The following PDE1A variants were observed in gnomAD, a reference collection of about 807,000 sequenced individuals.
PDE1A encodes dual specificity calcium/calmodulin-dependent 3',5'-cyclic nucleotide phosphodiesterase 1A.
PDE1A carries 35 observed loss-of-function variants against 61.7 expected under a neutral mutation model. The observed-to-expected ratio is 0.57, with a 90% CI of 0.43 to 0.75. The LOEUF is 0.75. Among genes scored for constraint, PDE1A ranks in the 30% least tolerant of loss-of-function variants. The pLI, the probability that PDE1A is intolerant of heterozygous loss-of-function variation, is 0.00. For missense variants in PDE1A, 597 were observed against 630.6 expected, an observed-to-expected ratio of 0.95 and a Z score of 0.57; for synonymous variants, 232 against 213.2, an observed-to-expected ratio of 1.09 and a Z score of -0.77.
At chr2:182,516,797 G>A (rs879590183) in intron 2 of PDE1A, among the ~76,000 whole-genome samples, 2 of 117,826 alleles carry the variant, frequency 1.7e-5, no homozygotes, top group African/African-American at 3.1e-5. Context: ...GAAAGAAAGA[G>A]AGAAAGGAAG....
chr2:182,169,772 C>T (rs1156629850), intron 13 of PDE1A, among the ~76,000 whole-genome samples: 1 of 151,806 alleles, frequency 6.6e-6, no homozygotes, highest in Non-Finnish European at 1.5e-5. Flanking sequence ...CTAGTCCTGC[C>T]CCTCTTGGGA....
intron 2 of PDE1A, among the ~76,000 whole-genome samples, chr2:182,488,320 A>G (rs1688155496): frequency 1.3e-5 from 2 of 152,180 alleles, no homozygotes; most frequent in South Asian, 4.1e-4. Flanking sequence ...AATTTAATTT[A>G]CCAAGGGCTA....
intron 7 of PDE1A, among the ~76,000 whole-genome samples, chr2:182,214,800 CCACA>C (rs1446501426): frequency 2.6e-5 from 3 of 116,136 alleles, no homozygotes; most frequent in African/African-American, 1.0e-4. Flanking sequence ...ACTTAGACTC[CCACA>C]CATTAATAAT....
chr2:182,386,213 C>T (rs984661898), intron 1 of PDE1A, among the ~76,000 whole-genome samples: 3 of 152,096 alleles, frequency 2.0e-5, no homozygotes, highest in Non-Finnish European at 2.9e-5. Flanking sequence ...ACCTCCCAGC[C>T]GCCTGCCTTG....
chr2:182,595,581 AAGATTATTCTTATAGCTT>A, the PDE1A span, among the ~76,000 whole-genome samples: 1 of 152,258 alleles, frequency 6.6e-6, no homozygotes. Context: ...AACTTGGCCA[AAGATTATTCTTATAGCTT>A]AGAATGGGGA....
chr2:182,460,287 A>G (rs1686192999), intron 2 of PDE1A, among the ~76,000 whole-genome samples: 1 of 152,182 alleles, frequency 6.6e-6, no homozygotes, highest in Non-Finnish European at 1.5e-5. Context: ...TGACAGGTGC[A>G]CATTCAACCC....
intron 1 of PDE1A, among the ~76,000 whole-genome samples, chr2:182,265,547 T>C (rs1334818631): frequency 6.6e-6 from 1 of 152,084 alleles, no homozygotes; most frequent in Non-Finnish European, 1.5e-5. Context: ...AATTTTAAAG[T>C]ATAGGACTCA....
At chr2:182,147,609 G>C (rs1350482748) in intron 13 of PDE1A, among the ~76,000 whole-genome samples, 1 of 152,114 alleles carries the variant, frequency 6.6e-6, no homozygotes, top group African/African-American at 2.4e-5. Flanking sequence ...AGACAAACTA[G>C]TCTTGGAATC....
chr2:182,246,394 C>CTTTTTT (rs772600912), intron 2 of PDE1A, among the ~76,000 whole-genome samples: 1 of 105,366 alleles, frequency 9.5e-6, no homozygotes. Flanking sequence ...AGTCTTTTTT[C>CTTTTTT]TTTTTTCTTT....
the PDE1A span, among the ~76,000 whole-genome samples, chr2:182,589,120 TG>T: frequency 2.7e-5 from 4 of 149,314 alleles, no homozygotes; most frequent in African/African-American, 9.8e-5. Flanking sequence ...ACAATTATAT[TG>T]TTTTTTTTAA....
chr2:182,414,723 A>T (rs1223670998), intron 1 of PDE1A, among the ~76,000 whole-genome samples: 1 of 152,158 alleles, frequency 6.6e-6, no homozygotes, highest in Non-Finnish European at 1.5e-5. Context: ...CAGTGTTGAC[A>T]TTGCTTCCAT....
At chr2:182,391,473 G>A (rs1479226828) in intron 1 of PDE1A, among the ~76,000 whole-genome samples, 2 of 152,120 alleles carry the variant, frequency 1.3e-5, no homozygotes. Flanking sequence ...GGCTAGAGTG[G>A]ATTAGTCACT....
intron 1 of PDE1A, among the ~76,000 whole-genome samples, chr2:182,394,803 T>G (rs996136043): frequency 6.6e-6 from 1 of 152,174 alleles, no homozygotes; most frequent in East Asian, 1.9e-4. Context: ...ACTTGTAGGG[T>G]GAGGGCTACT....
chr2:182,648,390 G>A, the PDE1A span, among the ~76,000 whole-genome samples: 1 of 151,482 alleles, frequency 6.6e-6, no homozygotes, highest in African/African-American at 2.4e-5. Flanking sequence ...AATAAGTCCA[G>A]GCTGGGCACA....
the PDE1A span, among the ~76,000 whole-genome samples, chr2:182,677,579 G>A: frequency 1.5e-4 from 23 of 152,156 alleles, no homozygotes; most frequent in Admixed American, 2.6e-4. Context: ...AAAAAGAACC[G>A]GAATACCCAA....
the PDE1A span, among the ~76,000 whole-genome samples, chr2:182,608,445 C>A: frequency 6.6e-6 from 1 of 152,178 alleles, no homozygotes; most frequent in South Asian, 2.1e-4. Context: ...CCTCAGCTTG[C>A]GAGGAGATGT....
chr2:182,311,680 AT>A (rs1047810869), intron 1 of PDE1A, among the ~76,000 whole-genome samples: 1 of 150,304 alleles, frequency 6.7e-6, no homozygotes, highest in Admixed American at 6.6e-5. Flanking sequence ...GCTGAGTACT[AT>A]TTTTTTTTGA....
the PDE1A span, among the ~76,000 whole-genome samples, chr2:182,714,324 T>C: frequency 3.9e-5 from 6 of 152,204 alleles, no homozygotes; most frequent in Non-Finnish European, 7.3e-5. Flanking sequence ...CACACTTTCT[T>C]TGGGTGATCT....
chr2:182,534,215 G>A, the PDE1A span, among the ~76,000 whole-genome samples: 4 of 151,944 alleles, frequency 2.6e-5, no homozygotes, highest in South Asian at 8.3e-4. Flanking sequence ...TCTAATGGCT[G>A]CATAGTATAC....
Sources: gnomAD v4.1 joint callset for allele counts (sites outside exome capture counted in the v4.1 genomes callset) on GRCh38, gnomAD v4.1.1 for gene constraint, MANE v1.5 for transcripts, NCBI Gene and HGNC (gene_info 2026-07-23, HGNC 2026-07-21) for gene names.